The following XYLT1 variants were observed in gnomAD, a reference collection of about 807,000 sequenced individuals.
XYLT1 encodes xylosyltransferase 1, also known as beta-D-xylosyltransferase 1.
In XYLT1, 36 loss-of-function variants were observed where a neutral mutation model predicts 91.3. That is an observed-to-expected ratio of 0.39 (90% CI 0.30 to 0.52). XYLT1 has a LOEUF of 0.52. XYLT1 is among the 20% of genes least tolerant of loss of function. XYLT1 has a pLI of 0.68. For synonymous variants in XYLT1, 588 were observed against 532.0 expected, an observed-to-expected ratio of 1.11 and a Z score of -1.45; for missense variants, 1,242 against 1,284.5, an observed-to-expected ratio of 0.97 and a Z score of 0.51.
At chr16:17,141,003 G>A in intron 7 of XYLT1, 150 bp downstream of exon 7, 1 of 767,706 alleles carries the variant, frequency 1.3e-6, no homozygotes, top group South Asian at 1.7e-5. Context: ...GGGAGACCAG[G>A]CATCCTGCTA....
chr16:17,235,310 T>C (rs971583809), intron 3 of XYLT1, among the ~76,000 whole-genome samples: 2 of 12,598 alleles, frequency 1.6e-4, no homozygotes, highest in Admixed American at 2.3e-3. Flanking sequence ...CATTATCATC[T>C]TTTTTTTTTT....
intron 2 of XYLT1, among the ~76,000 whole-genome samples, chr16:17,269,651 C>T (rs2033857252): frequency 6.6e-6 from 1 of 152,134 alleles, no homozygotes; most frequent in Non-Finnish European, 1.5e-5. Flanking sequence ...GAGCAGGAGC[C>T]ACACTTCATA....
chr16:17,458,991 T>C (rs749082913), intron 1 of XYLT1, among the ~76,000 whole-genome samples: 37 of 152,114 alleles, frequency 2.4e-4, no homozygotes, highest in Non-Finnish European at 1.2e-4. Flanking sequence ...GTTCAGTTTG[T>C]GAGAATTCAT....
chr16:17,343,850 A>G (rs1055261544), intron 2 of XYLT1, among the ~76,000 whole-genome samples: 2 of 152,188 alleles, frequency 1.3e-5, no homozygotes, highest in Non-Finnish European at 2.9e-5. Flanking sequence ...CACTTGGCAC[A>G]TGCTATCTTG....
At chr16:17,140,650 G>A (rs967555835) in intron 7 of XYLT1, among the ~76,000 whole-genome samples, 2 of 101,378 alleles carry the variant, frequency 2.0e-5, no homozygotes, top group African/African-American at 4.1e-5. Context: ...GACAGAGGAA[G>A]ACTGTCTCAA....
intron 6 of XYLT1, among the ~76,000 whole-genome samples, chr16:17,145,201 C>G (rs979541559): frequency 6.6e-6 from 1 of 152,202 alleles, no homozygotes; most frequent in Non-Finnish European, 1.5e-5. Flanking sequence ...TATCGGTGCT[C>G]CATGCCTTGT....
chr16:17,140,684 A>G (rs1472091277), intron 7 of XYLT1, among the ~76,000 whole-genome samples: 2 of 116,676 alleles, frequency 1.7e-5, no homozygotes, highest in Non-Finnish European at 3.7e-5. Flanking sequence ...AAAAAAAAAA[A>G]AAAAAAAGTT....
intron 3 of XYLT1, among the ~76,000 whole-genome samples, chr16:17,235,231 C>A (rs2033228417): frequency 2.0e-5 from 3 of 151,802 alleles, no homozygotes; most frequent in Admixed American, 2.0e-4. Flanking sequence ...TCAGACAAAG[C>A]TGTTCAAGTC....
At chr16:17,377,465 G>A (rs1309047789) in intron 1 of XYLT1, among the ~76,000 whole-genome samples, 5 of 152,136 alleles carry the variant, frequency 3.3e-5, no homozygotes, top group South Asian at 2.1e-4. Context: ...TTTGTTTGGC[G>A]GGACAGCCAG....
rs1185066642 is a variant in XYLT1, at chr16:17,187,072, G to C, written c.1289+11140C>G. 2.6e-5 allele frequency among the ~76,000 whole-genome samples: 4 copies of C among 152,194 alleles called. No individual in the cohort carries two copies. In the East Asian group the frequency reaches 7.7e-4, roughly 29 times the overall value. ...CAGAAGGGTGACTGATATAGGATAG[G>C]AAGACATTTTGGATTCTTCTAAAAT... On this transcript the variant is annotated intron_variant, in intron 5 of 11. Transcript: ENST00000261381.
At chr16:17,455,582 C>CTAAATAAATAAA (rs71137993) in intron 1 of XYLT1, among the ~76,000 whole-genome samples, 140 of 144,342 alleles carry the variant, frequency 9.7e-4, no homozygotes, top group Middle Eastern at 3.5e-3. Context: ...GACTCCATCT[C>CTAAATAAATAAA]TAAATAAATA....
At chr16:17,260,032 ATTTT>A (rs34476832) in intron 2 of XYLT1, among the ~76,000 whole-genome samples, 14 of 142,532 alleles carry the variant, frequency 9.8e-5, no homozygotes, top group African/African-American at 3.3e-4. Context: ...ACCAGCCGCA[ATTTT>A]TTTTTTTTTT....
chr16:17,409,548 T>G (rs866464835), intron 1 of XYLT1, among the ~76,000 whole-genome samples: 2 of 133,290 alleles, frequency 1.5e-5, no homozygotes, highest in South Asian at 5.2e-4. Flanking sequence ...TTGAGACACT[T>G]TTTTTTTTTT....
intron 1 of XYLT1, chr16:17,445,840 G>T (rs2036584738): frequency 6.6e-6 from 1 of 152,234 alleles, no homozygotes; most frequent in Non-Finnish European, 1.5e-5. Context: ...GAAGAAAACG[G>T]TGTTTATTTT....
chr16:17,339,923 C>T (rs984636361), intron 2 of XYLT1, among the ~76,000 whole-genome samples: 1 of 151,856 alleles, frequency 6.6e-6, no homozygotes, highest in Non-Finnish European at 1.5e-5. Context: ...ATCCATTCAT[C>T]CATCCTCCAT....
intron 1 of XYLT1, among the ~76,000 whole-genome samples, chr16:17,430,469 A>T (rs907868682): frequency 6.6e-6 from 1 of 152,192 alleles, no homozygotes; most frequent in East Asian, 1.9e-4. Flanking sequence ...GTTTCCCTGG[A>T]GAACCAAACT....
At position 17,261,454 on chromosome 16, in the gene XYLT1, C is replaced by T. The variant is rs952692213; in HGVS notation, c.403-1956G>A. Among the ~76,000 whole-genome samples, 4 of 152,170 alleles carry T rather than the reference C, an allele frequency of 2.6e-5. 1 individual carries two copies. Among genetic ancestry groups the T allele is most frequent in the South Asian group, 4.1e-4 (2 of 4,824 alleles). On this transcript the variant is annotated intron_variant, in intron 2 of 11. Transcript: ENST00000261381. The stretch of plus-strand genomic sequence containing the variant: ...TGCCCAGGGTCACCCAGCTAGTTGG[C>T]GGTGAAGCTGGAATTCAAACCAGGC...
intron 11 of XYLT1, among the ~76,000 whole-genome samples, chr16:17,110,261 A>G (rs1966835795): frequency 1.3e-5 from 2 of 152,228 alleles, no homozygotes; most frequent in Non-Finnish European, 2.9e-5. Flanking sequence ...AGTGCTGGGA[A>G]AAGCTTAGCT....
intron 2 of XYLT1, among the ~76,000 whole-genome samples, chr16:17,304,890 C>T (rs1482329268): frequency 2.0e-5 from 3 of 152,126 alleles, no homozygotes; most frequent in Non-Finnish European, 4.4e-5. Context: ...TTTAACACTA[C>T]CCTATGACAT....
Sources: gnomAD v4.1 joint callset for allele counts (sites outside exome capture counted in the v4.1 genomes callset) on GRCh38, gnomAD v4.1.1 for gene constraint, MANE v1.5 for transcripts, NCBI Gene and HGNC (gene_info 2026-07-23, HGNC 2026-07-21) for gene names.